Variants in TBC1D8B observed in about 807,000 individuals in gnomAD.
TBC1D8B encodes the protein TBC1 domain family member 8B.
A neutral mutation model predicts 82.9 loss-of-function variants in TBC1D8B; 75 were observed. That is an observed-to-expected ratio of 0.90 (90% CI 0.75 to 1.10). The LOEUF is 1.10. TBC1D8B is among the 50% of genes least tolerant of loss of function. TBC1D8B has a pLI of 0.00. For synonymous variants in TBC1D8B, 276 were observed against 276.8 expected, an observed-to-expected ratio of 1.00 and a Z score of 0.03; for missense variants, 794 against 796.9, an observed-to-expected ratio of 1.00 and a Z score of 0.04.
rs756860217 is a variant in TBC1D8B at position 106,865,619 on chromosome X, A to G, written c.2413A>G (p.Ile805Val). The change falls in exon 15 of 21, where the codon ATC (isoleucine) becomes GTC (valine). Residue 805 changes from isoleucine to valine, a missense_variant. Ile to Val is a conservative substitution (Grantham distance 29). Coordinates refer to ENST00000357242, the MANE Select transcript of TBC1D8B (RefSeq NM_017752.3). ...SLQELDELYV[I>V]FKKELFLSCY... ...TCAAGAATTGGATGAACTTTATGTCATCTTTAAGGTACTGTTGTTCTTCTT... is the reference window on the plus strand; with the variant it reads ...TCAAGAATTGGATGAACTTTATGTCGTCTTTAAGGTACTGTTGTTCTTCTT... 6.7e-6 allele frequency: 8 copies of G among 1,192,487 alleles called. No homozygotes were observed. The East Asian group carries it at 2.4e-4, about 36-fold the overall frequency.
chrX:106,853,530 C>A lies in TBC1D8B; in HGVS notation c.2133C>A (p.Asp711Glu). Residue 711 changes from aspartate to glutamate, a missense_variant, in exon 13 of 21, where the codon GAC becomes GAA. Physicochemically the swap from Asp to Glu is conservative, Grantham distance 45. Coordinates refer to ENST00000357242, the MANE Select transcript of TBC1D8B (RefSeq NM_017752.3). The part of the protein sequence containing the change: ...EAVTALNRFF[D>E]NVTNKDSPLP... The stretch of plus-strand genomic sequence containing the variant: ...TATCACTTTTCAATAGGTTCTTTGA[C>A]AATGTCACTAATAAGGATAGTCCAT... 8.3e-7 allele frequency: 1 copy of A among 1,206,916 alleles called. No individual in the cohort carries two copies. The highest frequency in any genetic ancestry group is 1.1e-6 in the Non-Finnish European group (1 of 892,188).
chrX:106,873,769 A>G lies in TBC1D8B; in HGVS notation c.3167A>G (p.Glu1056Gly), dbSNP rs767096796. The change falls in exon 21 of 21, where the codon GAA (glutamate) becomes GGA (glycine). Residue 1056 changes from glutamate (E) to glycine (G), a missense_variant. Physicochemically the swap from Glu to Gly is moderately conservative, Grantham distance 98 (BLOSUM62 -2). Coordinates refer to ENST00000357242, the MANE Select transcript of TBC1D8B (RefSeq NM_017752.3). ...TVCGSGGPSE[E>G]KTGSHLEKDP... Reference sequence around the variant, plus strand: ...TGTGGTTCTGGAGGACCCAGTGAGGAAAAAACAGGGAGCCACTTGGAGAAA... The same window carrying G: ...TGTGGTTCTGGAGGACCCAGTGAGGGAAAAACAGGGAGCCACTTGGAGAAA... The G allele has an allele frequency of 3.6e-5, 44 of 1,210,138 alleles. No individual in the cohort carries two copies. Among genetic ancestry groups the G allele is most frequent in the African/African-American group, 3.5e-4 (20 of 57,240 alleles).
At chrX:106,861,490 G>GT (rs1954992732) in intron 14 of TBC1D8B, among the ~76,000 whole-genome samples, 1 of 111,273 alleles carries the variant, frequency 9.0e-6, no homozygotes, top group South Asian at 3.7e-4. Context: ...TTTTTGTTTT[G>GT]TTTTGTTGTT....
chrX:106,854,261 A>G lies in TBC1D8B; in HGVS notation c.2317A>G (p.Ile773Val), dbSNP rs199877910. ...GCGCTGTCGAAATAGGTTGTATGTG[A>G]TACAGACCCTAGAGGAAACAACAAA... ...SMRCRNRLYV[I>V]QTLEETTKQN... Residue 773 changes from isoleucine (I) to valine (V), a missense_variant, in exon 14 of 21, where the codon ATA (isoleucine) becomes GTA (valine). Ile to Val is a conservative substitution (Grantham distance 29, BLOSUM62 3). Transcript: ENST00000357242. The G allele has an allele frequency of 1.2e-5, 14 of 1,191,271 alleles. No individual in the cohort carries two copies. Among genetic ancestry groups the G allele is most frequent in the Non-Finnish European group, 1.6e-5 (14 of 887,082 alleles).
chrX:106,816,443 C>A (rs942824830), intron 1 of TBC1D8B, among the ~76,000 whole-genome samples: 2 of 111,298 alleles, frequency 1.8e-5, no homozygotes, highest in African/African-American at 6.5e-5. Context: ...TATTTCAATG[C>A]TAAAAGTGAT....
rs1473369473 is a variant in TBC1D8B at position 106,802,948 on chromosome X, G to T, written c.95G>T (p.Arg32Leu). ...SNDYFVLQRRRGYGEEGGGGL... is the reference protein window; with the variant it reads ...SNDYFVLQRRLGYGEEGGGGL... ...GACTACTTCGTGCTGCAGCGGCGTC[G>T]GGGCTACGGGGAGGAAGGCGGAGGG... Residue 32 changes from arginine to leucine, a missense_variant, in exon 1 of 21, where the codon CGG becomes CTG. Arg to Leu is a moderately radical substitution (Grantham distance 102, BLOSUM62 -2). Coordinates refer to ENST00000357242, the MANE Select transcript of TBC1D8B (RefSeq NM_017752.3). 1 of 1,210,152 alleles carries T rather than the reference G, an allele frequency of 8.3e-7. No individual in the cohort carries two copies.
At position 106,826,194 on chromosome X, in the gene TBC1D8B, G is replaced by A. The variant is rs1395767144; in HGVS notation, c.992G>A (p.Ser331Asn). The change falls in exon 6 of 21, where the codon AGC (serine) becomes AAC (asparagine). Residue 331 changes from serine (S) to asparagine (N), a missense_variant. Ser to Asn is a conservative substitution (Grantham distance 46). Coordinates refer to ENST00000357242, the MANE Select transcript of TBC1D8B (RefSeq NM_017752.3). ...CISENYICFA[S>N]QDGNQCSVII... ...TCAGAAAATTATATCTGCTTTGCTA[G>A]CCAAGATGGCAATCAGTGTAGTGTA... The A allele has an allele frequency of 8.3e-7, 1 of 1,210,577 alleles. No homozygotes were observed. Among genetic ancestry groups the A allele is most frequent in the Non-Finnish European group, 1.1e-6 (1 of 894,912 alleles).
chrX:106,817,705 A>G (rs183237612), intron 1 of TBC1D8B, among the ~76,000 whole-genome samples: 3 of 111,463 alleles, frequency 2.7e-5, no homozygotes, highest in African/African-American at 6.5e-5. Flanking sequence ...CTCAACCTGT[A>G]TAGACTCTAA....
At chrX:106,842,002 A>G (rs975246941) in intron 10 of TBC1D8B, among the ~76,000 whole-genome samples, 1 of 111,730 alleles carries the variant, frequency 9.0e-6, no homozygotes, top group Non-Finnish European at 1.9e-5. Context: ...AGCAGCTACT[A>G]TGGAAGAAGA....
chrX:106,808,412 G>A lies in TBC1D8B; in HGVS notation c.130+5429G>A, dbSNP rs1931258076. ...CATTTTCTGGGCCTGAAGAACAAAG[G>A]GGTTATATATTTATGCCATTTTCCC... On this transcript the variant is annotated intron_variant, in intron 1 of 20. Transcript: ENST00000357242. Among the ~76,000 whole-genome samples, 3 of 111,363 alleles carry A rather than the reference G, an allele frequency of 2.7e-5. No individual in the cohort carries two copies. The South Asian group carries it at 1.1e-3, about 42-fold the overall frequency.
chrX:106,828,048 A>C (rs1347465351), intron 7 of TBC1D8B: 1 of 111,782 alleles, frequency 8.9e-6, no homozygotes, highest in Non-Finnish European at 1.9e-5. Flanking sequence ...CACTAGCAAG[A>C]CTAATAAAGA....
chrX:106,811,478 G>A (rs1931372022), intron 1 of TBC1D8B, among the ~76,000 whole-genome samples: 1 of 111,646 alleles, frequency 9.0e-6, no homozygotes, highest in South Asian at 3.8e-4. Flanking sequence ...CCAGTGAGCT[G>A]AGATTGCATC....
intron 10 of TBC1D8B, among the ~76,000 whole-genome samples, chrX:106,846,156 A>C (rs1419539756): frequency 2.2e-5 from 2 of 91,024 alleles, no homozygotes; most frequent in African/African-American, 8.7e-5. Flanking sequence ...GCTGGAGTGC[A>C]GTGGCATGAT....
intron 19 of TBC1D8B, among the ~76,000 whole-genome samples, chrX:106,870,395 A>C (rs1201265580): frequency 7.1e-5 from 8 of 112,352 alleles, no homozygotes; most frequent in African/African-American, 2.6e-4. Flanking sequence ...TTAATAGTAT[A>C]CATGAGAATG....
chrX:106,819,563 A>G (rs192723930), intron 2 of TBC1D8B, among the ~76,000 whole-genome samples: 6 of 111,119 alleles, frequency 5.4e-5, no homozygotes, highest in African/African-American at 1.9e-4. Context: ...ACAAAAGCAC[A>G]TGAGTTTCTG....
chrX:106,835,660 A>G (rs779643649), intron 7 of TBC1D8B, among the ~76,000 whole-genome samples: 3 of 111,811 alleles, frequency 2.7e-5, no homozygotes, highest in Non-Finnish European at 5.6e-5. Context: ...TTCTTCCATC[A>G]GATATCCTAA....
At position 106,802,740 on chromosome X, in the gene TBC1D8B, C is replaced by T; in HGVS notation, c.-114C>T. The T allele has an allele frequency of 4.7e-6, 5 of 1,071,098 alleles. No individual in the cohort carries two copies. Among genetic ancestry groups the T allele is most frequent in the Non-Finnish European group, 6.4e-6 (5 of 787,168 alleles). The allele number at this position is 1,071,098 out of a possible 1,213,427, so 88.3% of individuals were successfully genotyped here. A position where few individuals can be genotyped will look rare whatever the true frequency, so the allele number is the denominator to read the frequency against. The stretch of plus-strand genomic sequence containing the variant: ...GAAGTGTGGAAAACCTGAACCTGAG[C>T]TGCTGTCGCCTGAGGAAGATTTGGT... On this transcript the variant is annotated 5_prime_UTR_variant, in exon 1 of 21. Coordinates refer to ENST00000357242, the MANE Select transcript of TBC1D8B (RefSeq NM_017752.3).
intron 1 of TBC1D8B, chrX:106,815,197 T>G (rs1184777955): frequency 8.9e-6 from 1 of 112,172 alleles, no homozygotes; most frequent in Non-Finnish European, 1.9e-5. Context: ...GTTTAAGTCT[T>G]TAATCCACCT....
At chrX:106,871,231 TC>T (rs1412087996) in intron 20 of TBC1D8B, among the ~76,000 whole-genome samples, 7 of 111,511 alleles carry the variant, frequency 6.3e-5, no homozygotes, top group African/African-American at 2.3e-4. Flanking sequence ...TTTAAGTTCA[TC>T]TCTTTCTTAT....
Sources: gnomAD v4.1 joint callset for allele counts (sites outside exome capture counted in the v4.1 genomes callset) on GRCh38, gnomAD v4.1.1 for gene constraint, MANE v1.5 for transcripts, NCBI Gene and HGNC (gene_info 2026-07-23, HGNC 2026-07-21) for gene names.